The following ATE1 variants were observed in gnomAD, a reference collection of about 807,000 sequenced individuals.
The protein encoded by ATE1 is arginyltransferase 1.
A neutral mutation model predicts 70.5 loss-of-function variants in ATE1; 36 were observed. The observed-to-expected ratio is 0.51, with a 90% CI of 0.39 to 0.67. ATE1 has a LOEUF of 0.67. ATE1 is among the 30% of genes least tolerant of loss of function. ATE1 has a pLI of 0.00. For missense variants in ATE1, 593 were observed against 629.5 expected, an observed-to-expected ratio of 0.94 and a Z score of 0.62; for synonymous variants, 232 against 219.3, an observed-to-expected ratio of 1.06 and a Z score of -0.51.
At chr10:121,745,634 G>A (rs1189920594) in intron 11 of ATE1, among the ~76,000 whole-genome samples, 4 of 152,220 alleles carry the variant, frequency 2.6e-5, no homozygotes, top group Admixed American at 6.5e-5. Flanking sequence ...GGCTGAGGCA[G>A]GAGAATGGTG....
intron 10 of ATE1, among the ~76,000 whole-genome samples, chr10:121,811,823 T>A (rs1947328571): frequency 6.6e-6 from 1 of 152,150 alleles, no homozygotes; most frequent in South Asian, 2.1e-4. Context: ...TGAAAAACTA[T>A]TATCACACTC....
intron 8 of ATE1, among the ~76,000 whole-genome samples, chr10:121,862,532 ATT>A (rs35130703): frequency 3.8e-5 from 4 of 105,400 alleles, no homozygotes; most frequent in East Asian, 2.7e-4. Context: ...AATTTTTTTA[ATT>A]TTTTTTTTTT....
intron 11 of ATE1, among the ~76,000 whole-genome samples, chr10:121,748,002 A>T (rs1314601867): frequency 6.6e-6 from 1 of 152,250 alleles, no homozygotes; most frequent in Non-Finnish European, 1.5e-5. Flanking sequence ...GTCTCATACA[A>T]ATAAAAAAGT....
At chr10:121,866,881 A>G (rs1176819801) in intron 8 of ATE1, among the ~76,000 whole-genome samples, 4 of 151,614 alleles carry the variant, frequency 2.6e-5, no homozygotes, top group African/African-American at 9.7e-5. Context: ...TATATTCTAT[A>G]TACTCTAGCT....
rs940912400 is a variant in ATE1, at chr10:121,743,124, T to C, written c.*556A>G. On this transcript the variant is annotated 3_prime_UTR_variant, in exon 12 of 12. Transcript: ENST00000224652. Reference sequence around the variant, plus strand: ...CTAACACAAGCTCCATTTTAATGTTTTATTTTTTCAAGTTCTCTATTAAAC... The same window carrying C: ...CTAACACAAGCTCCATTTTAATGTTCTATTTTTTCAAGTTCTCTATTAAAC... 2 of 152,358 alleles carry C rather than the reference T, an allele frequency of 1.3e-5. No homozygotes were observed. The highest frequency in any genetic ancestry group is 2.9e-5 in the Non-Finnish European group (2 of 68,140). 9.4% of individuals were successfully genotyped at this position (152,358 alleles called of 1,614,324 possible).
rs572863289 is a variant in ATE1 at position 121,769,885 on chromosome 10, G to A, written c.1378+20284C>T. Among the ~76,000 whole-genome samples the A allele has an allele frequency of 3.7e-4, 56 of 152,316 alleles. 1 individual carries two copies. Among genetic ancestry groups the A allele is most frequent in the Non-Finnish European group, 7.1e-4 (48 of 68,020 alleles). ...CCAAATGTGGGTAAACATGAAAGAAGTGTTATCTTTCATCCATTGTTGTTG... is the reference window on the plus strand; with the variant it reads ...CCAAATGTGGGTAAACATGAAAGAAATGTTATCTTTCATCCATTGTTGTTG... On this transcript the variant is annotated intron_variant, in intron 11 of 11. Transcript: ENST00000224652.
chr10:121,837,272 T>G (rs757026252), intron 9 of ATE1, among the ~76,000 whole-genome samples: 2 of 152,242 alleles, frequency 1.3e-5, no homozygotes, highest in Non-Finnish European at 2.9e-5. Flanking sequence ...ATATGACATC[T>G]AATTCATTCC....
At chr10:121,760,861 T>C (rs1379845225) in intron 11 of ATE1, among the ~76,000 whole-genome samples, 4 of 152,196 alleles carry the variant, frequency 2.6e-5, no homozygotes, top group African/African-American at 4.8e-5. Flanking sequence ...TGTCTTATTT[T>C]AAGAAATTGC....
At chr10:121,745,790 T>C (rs1944345946) in intron 11 of ATE1, among the ~76,000 whole-genome samples, 1 of 151,988 alleles carries the variant, frequency 6.6e-6, no homozygotes, top group Non-Finnish European at 1.5e-5. Flanking sequence ...TCCATGCATG[T>C]ATGAGGCTGT....
At chr10:121,903,016 C>T (rs932394706) in intron 5 of ATE1, among the ~76,000 whole-genome samples, 2 of 145,052 alleles carry the variant, frequency 1.4e-5, no homozygotes, top group Non-Finnish European at 3.0e-5. Context: ...CAGGTGTGTG[C>T]CACCGTGCCT....
At chr10:121,823,429 G>C (rs1055431418) in intron 10 of ATE1, among the ~76,000 whole-genome samples, 2 of 152,174 alleles carry the variant, frequency 1.3e-5, no homozygotes, top group Non-Finnish European at 2.9e-5. Flanking sequence ...TGACTTCCTG[G>C]GAAAACCTGT....
intron 10 of ATE1, among the ~76,000 whole-genome samples, chr10:121,817,724 T>C (rs1177850406): frequency 4.0e-5 from 6 of 151,732 alleles, no homozygotes; most frequent in Non-Finnish European, 8.8e-5. Context: ...TCTTGTAAGA[T>C]GAAAAGGAGT....
intron 10 of ATE1, among the ~76,000 whole-genome samples, chr10:121,792,830 A>G (rs1329281417): frequency 6.6e-6 from 1 of 152,108 alleles, no homozygotes; most frequent in Non-Finnish European, 1.5e-5. Flanking sequence ...AAGATATAAA[A>G]CTTCTGGGGA....
chr10:121,805,209 A>G (rs1338422454), intron 10 of ATE1, among the ~76,000 whole-genome samples: 2 of 152,226 alleles, frequency 1.3e-5, no homozygotes, highest in African/African-American at 4.8e-5. Context: ...ATAAAAATCT[A>G]GAATAAACCA....
intron 7 of ATE1, among the ~76,000 whole-genome samples, chr10:121,872,829 G>A (rs1331747941): frequency 6.6e-6 from 1 of 151,792 alleles, no homozygotes; most frequent in Non-Finnish European, 1.5e-5. Flanking sequence ...AATATCACTT[G>A]TCTGATATGA....
At chr10:121,783,555 A>G (rs767556024) in intron 11 of ATE1, among the ~76,000 whole-genome samples, 14 of 152,146 alleles carry the variant, frequency 9.2e-5, no homozygotes, top group Non-Finnish European at 1.8e-4. Context: ...AATGGTACGT[A>G]AAATAAAAAA....
chr10:121,919,788 C>T (rs955828436), intron 3 of ATE1, among the ~76,000 whole-genome samples: 6 of 151,758 alleles, frequency 4.0e-5, no homozygotes, highest in African/African-American at 1.5e-4. Flanking sequence ...GTCCCGGATA[C>T]TCAGGTGGCT....
At chr10:121,763,294 C>A (rs1474748054) in intron 11 of ATE1, among the ~76,000 whole-genome samples, 1 of 151,910 alleles carries the variant, frequency 6.6e-6, no homozygotes, top group Non-Finnish European at 1.5e-5. Flanking sequence ...TATGTCTATA[C>A]AAAAATACAC....
chr10:121,907,234 C>A (rs1489659417), intron 5 of ATE1, among the ~76,000 whole-genome samples: 6 of 151,946 alleles, frequency 3.9e-5, no homozygotes, highest in African/African-American at 1.2e-4. Context: ...GCAGGTGGAT[C>A]ACTTGAGGCC....
Sources: gnomAD v4.1 joint callset for allele counts (sites outside exome capture counted in the v4.1 genomes callset) on GRCh38, gnomAD v4.1.1 for gene constraint, MANE v1.5 for transcripts, NCBI Gene and HGNC (gene_info 2026-07-23, HGNC 2026-07-21) for gene names.